The following KPNA5 variants were observed in gnomAD, a reference collection of about 807,000 sequenced individuals.
The protein encoded by KPNA5 is karyopherin subunit alpha 5.
A neutral mutation model predicts 71.3 loss-of-function variants in KPNA5; 46 were observed. The observed-to-expected ratio is 0.65, with a 90% CI of 0.51 to 0.83. KPNA5 has a LOEUF of 0.83. KPNA5 is among the 40% of genes least tolerant of loss of function. The pLI, the probability that KPNA5 is intolerant of heterozygous loss-of-function variation, is 0.00. For missense variants in KPNA5, 547 were observed against 628.3 expected, an observed-to-expected ratio of 0.87 and a Z score of 1.38; for synonymous variants, 207 against 201.4, an observed-to-expected ratio of 1.03 and a Z score of -0.24.
At chr6:116,702,716 T>G (rs561290624) in intron 6 of KPNA5, among the ~76,000 whole-genome samples, 2 of 152,300 alleles carry the variant, frequency 1.3e-5, no homozygotes, top group South Asian at 4.1e-4. Context: ...TTACCTAAAG[T>G]CACAACGAAT....
At chr6:116,710,892 TA>T (rs1261897975) in intron 7 of KPNA5, among the ~76,000 whole-genome samples, 1,328 of 65,930 alleles carry the variant, frequency 0.02, 22 homozygotes, top group South Asian at 0.13. Context: ...TATATATATA[TA>T]TTTTTTTTTT....
chr6:116,710,252 C>T (rs2114443489), intron 7 of KPNA5, among the ~76,000 whole-genome samples: 1 of 152,008 alleles, frequency 6.6e-6, no homozygotes, highest in Middle Eastern at 3.4e-3. Context: ...GATTCAGTTT[C>T]CTAGGATTTT....
At chr6:116,732,077 TATATATATATATATATATA>T (rs766699698) in intron 13 of KPNA5, 40 bp from the exon 14 acceptor site, 55,093 of 144,618 alleles carry the variant, frequency 0.38, 12,207 homozygotes, top group Non-Finnish European at 0.43. Context: ...AGTTTGTTTA[TATATATATATATATATATA>T]TATATATATA....
chr6:116,689,717 A>T (rs1777721014), intron 2 of KPNA5, among the ~76,000 whole-genome samples: 3 of 152,174 alleles, frequency 2.0e-5, no homozygotes, highest in Admixed American at 2.0e-4. Context: ...TTCCTCTTGC[A>T]TCTATTTAGA....
chr6:116,726,597 T>G lies in KPNA5; in HGVS notation c.1228T>G (p.Ser410Ala), dbSNP rs779281809. The change falls in exon 12 of 14, where the codon TCA (serine) becomes GCA (alanine). Residue 410 changes from serine to alanine, a missense_variant. Transcript: ENST00000368564. ...EAAWAITNATSGGTPEQIRYL... is the reference protein window; with the variant it reads ...EAAWAITNATAGGTPEQIRYL... ...AGCTTGGGCTATAACTAATGCAACA[T>G]CAGGAGGTACTCCAGAGCAAATAAG... 6.2e-7 allele frequency: 1 copy of G among 1,611,584 alleles called. No homozygotes were observed. The highest frequency in any genetic ancestry group is 1.7e-5 in the Admixed American group (1 of 59,612).
At chr6:116,691,842 T>C (rs1377402920) in intron 2 of KPNA5, among the ~76,000 whole-genome samples, 1 of 152,206 alleles carries the variant, frequency 6.6e-6, no homozygotes, top group African/African-American at 2.4e-5. Context: ...CGTGAAGTAG[T>C]CTGTGCAGCC....
At chr6:116,716,162 G>T in intron 7 of KPNA5, 57 bp from the exon 8 acceptor site, 1 of 1,299,380 alleles carries the variant, frequency 7.7e-7, no homozygotes, top group Non-Finnish European at 1.1e-6. Context: ...TATTATGATA[G>T]CTAAAGAGGA....
In KPNA5 at chr6:116,734,601, A is replaced by G. The variant is rs13590; in HGVS notation, c.*2278A>G. On this transcript the variant is annotated 3_prime_UTR_variant, in exon 14 of 14. Transcript: ENST00000368564. ...CTTGGCTTGGCTTGGCTTATTGTTAAGAGTTTATTGGATCAAGACTAACAA... is the reference window on the plus strand; with the variant it reads ...CTTGGCTTGGCTTGGCTTATTGTTAGGAGTTTATTGGATCAAGACTAACAA... The G allele has an allele frequency of 6.6e-6, 1 of 151,098 alleles. No homozygotes were observed. Among genetic ancestry groups the G allele is most frequent in the Non-Finnish European group, 1.5e-5 (1 of 67,552 alleles). The allele number at this position is 151,098 out of a possible 1,614,324, so 9.4% of individuals were successfully genotyped here.
At chr6:116,685,064 C>T (rs1398953650) in intron 1 of KPNA5, among the ~76,000 whole-genome samples, 1 of 152,196 alleles carries the variant, frequency 6.6e-6, no homozygotes, top group Non-Finnish European at 1.5e-5. Flanking sequence ...CTTATGTTTA[C>T]ACAAACACCT....
intron 1 of KPNA5, among the ~76,000 whole-genome samples, chr6:116,686,375 T>C (rs1273965361): frequency 1.3e-5 from 2 of 152,214 alleles, no homozygotes; most frequent in East Asian, 3.9e-4. Flanking sequence ...TTCATGTCCT[T>C]TGCTCACTTT....
At chr6:116,721,921 A>T (rs1282086867) in intron 8 of KPNA5, among the ~76,000 whole-genome samples, 1 of 152,216 alleles carries the variant, frequency 6.6e-6, no homozygotes, top group Non-Finnish European at 1.5e-5. Flanking sequence ...AAACAAATTT[A>T]ACTACATATC....
intron 4 of KPNA5, among the ~76,000 whole-genome samples, chr6:116,692,776 G>GCA (rs1265449630): frequency 2.6e-5 from 4 of 151,898 alleles, no homozygotes; most frequent in African/African-American, 4.8e-5. Context: ...GGGTACATGT[G>GCA]CACAACGTGC....
chr6:116,683,387 G>A (rs924034813), intron 1 of KPNA5, among the ~76,000 whole-genome samples: 9 of 152,036 alleles, frequency 5.9e-5, no homozygotes, highest in Non-Finnish European at 1.0e-4. Context: ...ATTTCCATGA[G>A]CATTTTATTT....
At position 116,732,849 on chromosome 6, in the gene KPNA5, A is replaced by G. The variant is rs533119966; in HGVS notation, c.*526A>G. ...GAAAATATTTATTACCTTAAATTAT[A>G]CATATCACTGTGCTGTAGGTTATAC... On this transcript the variant is annotated 3_prime_UTR_variant, in exon 14 of 14. Transcript: ENST00000368564. 1 of 152,078 alleles carries G rather than the reference A, an allele frequency of 6.6e-6. No individual in the cohort carries two copies. The highest frequency in any genetic ancestry group is 2.4e-5 in the African/African-American group (1 of 41,574). The allele number at this position is 152,078 out of a possible 1,614,324, so 9.4% of individuals were successfully genotyped here.
intron 4 of KPNA5, 92 bp from the exon 5 acceptor site, chr6:116,698,612 G>A: frequency 1.4e-6 from 1 of 690,190 alleles, no homozygotes; most frequent in South Asian, 1.9e-5. Flanking sequence ...ACCTAGGAAA[G>A]AGTTATTTTA....
At chr6:116,681,930 G>A (rs1022212381) in intron 1 of KPNA5, among the ~76,000 whole-genome samples, 5 of 152,110 alleles carry the variant, frequency 3.3e-5, no homozygotes, top group African/African-American at 9.7e-5. Flanking sequence ...ATAGGAGATG[G>A]AAGTATTTGA....
In KPNA5 at chr6:116,726,505, A is replaced by G. The variant is rs764408309; in HGVS notation, c.1136A>G (p.Asp379Gly). 6.2e-7 allele frequency: 1 copy of G among 1,611,200 alleles called. No individual in the cohort carries two copies. Among genetic ancestry groups the G allele is most frequent in the South Asian group, 1.1e-5 (1 of 90,806 alleles). ...GNRAQIQAVIDANIFPVLIEI... is the reference protein window; with the variant it reads ...GNRAQIQAVIGANIFPVLIEI... Reference sequence around the variant, plus strand: ...TTTTCCCCCTCTCAGGCTGTTATAGATGCAAATATTTTTCCTGTTTTGATT... The same window carrying G: ...TTTTCCCCCTCTCAGGCTGTTATAGGTGCAAATATTTTTCCTGTTTTGATT... The change falls in exon 12 of 14, where the codon GAT (aspartate) becomes GGT (glycine). Residue 379 changes from aspartate (D) to glycine (G), a missense_variant. Coordinates refer to ENST00000368564, the MANE Select transcript of KPNA5 (RefSeq NM_001366306.2).
intron 10 of KPNA5, among the ~76,000 whole-genome samples, chr6:116,725,296 CAGA>C (rs1270303874): frequency 1.3e-5 from 2 of 152,136 alleles, no homozygotes; most frequent in Admixed American, 6.6e-5. Flanking sequence ...TACTTGTTTA[CAGA>C]AGAAGAGTAA....
intron 7 of KPNA5, among the ~76,000 whole-genome samples, chr6:116,707,971 A>G (rs545041592): frequency 2.6e-5 from 4 of 152,174 alleles, no homozygotes; most frequent in Non-Finnish European, 4.4e-5. Context: ...TTCTCTCTCT[A>G]TGTATACTGT....
Sources: gnomAD v4.1 joint callset for allele counts (sites outside exome capture counted in the v4.1 genomes callset) on GRCh38, gnomAD v4.1.1 for gene constraint, MANE v1.5 for transcripts, NCBI Gene and HGNC (gene_info 2026-07-23, HGNC 2026-07-21) for gene names.